PASD1: variants seen among roughly 807,000 people sequenced by gnomAD.
The protein encoded by PASD1 is circadian clock protein PASD1.
PASD1 carries 13 observed loss-of-function variants against 58.8 expected under a neutral mutation model. That is an observed-to-expected ratio of 0.22 (90% CI 0.14 to 0.35). The LOEUF (loss-of-function observed/expected upper bound fraction) is 0.35, where lower values mean the gene tolerates loss of function less well. Ranked by LOEUF, PASD1 falls within the 10% of genes least tolerant of loss-of-function variation. The pLI, the probability that PASD1 is intolerant of heterozygous loss-of-function variation, is 1.00. For missense variants in PASD1, 734 were observed against 568.3 expected, an observed-to-expected ratio of 1.29 and a Z score of -2.96; for synonymous variants, 236 against 216.7, an observed-to-expected ratio of 1.09 and a Z score of -0.78.
At chrX:151,621,409 A>T in intron 5 of PASD1, 73 bp from the exon 6 acceptor site, 1 of 767,896 alleles carries the variant, frequency 1.3e-6, no homozygotes, top group Non-Finnish European at 1.9e-6. Context: ...GACATTGGTC[A>T]TATGAAATAA....
chrX:151,676,419 C>T lies in PASD1; in HGVS notation c.*276C>T, dbSNP rs953381353. On this transcript the variant is annotated 3_prime_UTR_variant, in exon 16 of 16. Transcript: ENST00000370357. ...GGATCTGATGTCTTGTCTGCCCCGC[C>T]CAGCTTTGCATATCCATGTTCTACC... 1.5e-5 allele frequency: 4 copies of T among 265,612 alleles called. No homozygotes were observed. Among genetic ancestry groups the T allele is most frequent in the East Asian group, 5.6e-5 (1 of 17,947 alleles). 21.9% of individuals were successfully genotyped at this position (265,612 alleles called of 1,213,427 possible).
intron 8 of PASD1, among the ~76,000 whole-genome samples, chrX:151,641,515 A>G (rs1005921182): frequency 2.7e-5 from 3 of 111,677 alleles, no homozygotes; most frequent in Non-Finnish European, 5.6e-5. Context: ...CTTCAGATAT[A>G]TCAGTTATAT....
Position 151,667,629 on chromosome X carries a change from A to G in PASD1, c.1071+3281A>G, listed in dbSNP as rs1449147987. ...GCCAGTTTTCCCAGCACCATTTGTT[A>G]AATAGGGAATCCTTTCCCCGTTTCT... On this transcript the variant is annotated intron_variant, in intron 11 of 15. Coordinates refer to ENST00000370357, the MANE Select transcript of PASD1 (RefSeq NM_173493.3). 1.6e-4 allele frequency among the ~76,000 whole-genome samples: 18 copies of G among 112,137 alleles called. 1 individual carries two copies. In the Admixed American group the frequency reaches 1.7e-3, roughly 11 times the overall value.
At position 151,653,868 on chromosome X, in the gene PASD1, CTCTTTCTT is replaced by C. The variant is rs1222060384; in HGVS notation, c.717+5232_717+5239del. Reference sequence around the variant, plus strand: ...CTTCCCTCCCTCCCTCCCTCCCTCCCTCTTTCTTTCTTTCTTTCTTTCTTTCTTTCTTT... The same window carrying C: ...CTTCCCTCCCTCCCTCCCTCCCTCCCTCTTTCTTTCTTTCTTTCTTTCTTT... On this transcript the variant is annotated intron_variant, in intron 9 of 15. Transcript: ENST00000370357. 8.5e-3 allele frequency among the ~76,000 whole-genome samples: 140 copies of C among 16,420 alleles called. 3 individuals are homozygous for C. Among genetic ancestry groups the C allele is most frequent in the African/African-American group, 0.019 (85 of 4,559 alleles). The allele number at this position is 16,420 out of a possible 115,157, so 14.3% of individuals were successfully genotyped here. A position where few individuals can be genotyped will look rare whatever the true frequency, so the allele number is the denominator to read the frequency against.
intron 11 of PASD1, among the ~76,000 whole-genome samples, chrX:151,669,319 T>C (rs751502678): frequency 9.2e-6 from 1 of 109,258 alleles, no homozygotes; most frequent in South Asian, 3.9e-4. Flanking sequence ...ATGTATATAT[T>C]TGGATACATA....
intron 1 of PASD1, among the ~76,000 whole-genome samples, chrX:151,577,787 A>G (rs889401339): frequency 2.7e-5 from 3 of 111,391 alleles, no homozygotes; most frequent in African/African-American, 9.8e-5. Context: ...CAGCCTCCCA[A>G]AGTGCTGTGA....
intron 1 of PASD1, among the ~76,000 whole-genome samples, chrX:151,599,010 G>T (rs1413830990): frequency 9.0e-6 from 1 of 111,233 alleles, no homozygotes; most frequent in African/African-American, 3.3e-5. Context: ...TGAGATTAGG[G>T]AGTGGTGATG....
At chrX:151,611,544 A>T (rs184417870) in intron 3 of PASD1, 120 bp from the exon 4 acceptor site, 11 of 440,775 alleles carry the variant, frequency 2.5e-5, no homozygotes, top group South Asian at 2.4e-4. Context: ...TACTTTATTG[A>T]TATTTAAGGA....
intron 8 of PASD1, among the ~76,000 whole-genome samples, chrX:151,647,882 T>G (rs62609302): frequency 0.24 from 26,836 of 110,455 alleles, 2,664 homozygotes; most frequent in Non-Finnish European, 0.31. Flanking sequence ...AAGTTTTATA[T>G]ATATCATTTT....
chrX:151,670,902 G>A (rs1408649755), intron 11 of PASD1, 136 bp from the exon 12 acceptor site: 1 of 725,530 alleles, frequency 1.4e-6, no homozygotes, highest in Non-Finnish European at 2.0e-6. Flanking sequence ...AAACTTTCTA[G>A]TAATGAATGA....
At chrX:151,570,925 G>C (rs896046486) in intron 1 of PASD1, among the ~76,000 whole-genome samples, 6 of 111,998 alleles carry the variant, frequency 5.4e-5, no homozygotes, top group Non-Finnish European at 1.1e-4. Context: ...ACACTGCCAG[G>C]TTGGAGAATG....
chrX:151,653,819 C>T (rs1379999719), intron 9 of PASD1, among the ~76,000 whole-genome samples: 10 of 22,153 alleles, frequency 4.5e-4, no homozygotes, highest in African/African-American at 5.9e-4. Context: ...TCCTTCCTTC[C>T]TTCCTTCCTT....
intron 1 of PASD1, among the ~76,000 whole-genome samples, chrX:151,579,862 A>G (rs2013059320): frequency 8.9e-6 from 1 of 111,789 alleles, no homozygotes; most frequent in South Asian, 3.7e-4. Context: ...AATGGGTGAA[A>G]ATAGTTTTTC....
At chrX:151,601,622 C>A (rs751853975) in intron 2 of PASD1, 41 bp downstream of exon 2, 19 of 1,168,771 alleles carry the variant, frequency 1.6e-5, no homozygotes, top group Admixed American at 2.2e-5. Context: ...TCAAAGCCCT[C>A]TCCCTCGTCC....
rs142238763 is a variant in PASD1 at position 151,632,859 on chromosome X, G to A, written c.629+7329G>A. 4.8e-3 allele frequency among the ~76,000 whole-genome samples: 522 copies of A among 109,662 alleles called. 3 individuals carry two copies. The highest frequency in any genetic ancestry group is 0.016 in the African/African-American group (484 of 29,587). On this transcript the variant is annotated intron_variant, in intron 8 of 15. Coordinates refer to ENST00000370357, the MANE Select transcript of PASD1 (RefSeq NM_173493.3). ...ATGATGAAGATAATTACTGCAGAAT[G>A]GGTGTGAGGCTCAAATAAAAAAAAA...
chrX:151,605,990 T>C (rs2013484102), intron 3 of PASD1, among the ~76,000 whole-genome samples: 1 of 112,333 alleles, frequency 8.9e-6, no homozygotes, highest in South Asian at 3.7e-4. Flanking sequence ...ACCAATTTTA[T>C]GAAACCAGAT....
At chrX:151,640,038 C>T (rs2124288869) in intron 8 of PASD1, among the ~76,000 whole-genome samples, 1 of 111,588 alleles carries the variant, frequency 9.0e-6, no homozygotes, top group Non-Finnish European at 1.9e-5. Flanking sequence ...GCTTTATTTC[C>T]CCGCCTGGCT....
chrX:151,620,956 A>G lies in PASD1; in HGVS notation c.234A>G (p.Leu78=), dbSNP rs753850292. The change falls in exon 5 of 16, where the codon TTA becomes TTG. Residue 78 remains leucine, a synonymous_variant. Transcript: ENST00000370357. ...LPAEIVGKKL[L]SLLPDEEKDE... The stretch of plus-strand genomic sequence containing the variant: ...CTGAGATTGTGGGCAAAAAATTATT[A>G]AGCCTTCTGCCTGATGAAGAGAAAG... 8.3e-7 allele frequency: 1 copy of G among 1,207,670 alleles called. No homozygotes were observed. Among genetic ancestry groups the G allele is most frequent in the Non-Finnish European group, 1.1e-6 (1 of 893,265 alleles).
intron 8 of PASD1, among the ~76,000 whole-genome samples, chrX:151,646,117 C>A (rs2014058290): frequency 9.0e-6 from 1 of 110,698 alleles, no homozygotes; most frequent in African/African-American, 3.3e-5. Context: ...ACTGTGTTGT[C>A]CTGGCTGGTC....
Sources: allele counts gnomAD v4.1 joint callset (sites outside exome capture counted in the v4.1 genomes callset), GRCh38; gene constraint gnomAD v4.1.1; transcripts MANE v1.5; gene names NCBI Gene and HGNC (gene_info 2026-07-23, HGNC 2026-07-21).